Variants in NALCN observed in about 807,000 individuals in gnomAD.
The protein encoded by NALCN is sodium leak channel, non-selective, also known as sodium leak channel NALCN.
Under a neutral mutation model 225.3 loss-of-function variants are expected in NALCN, and 111 were observed. The ratio of observed to expected loss-of-function variants is 0.49; its 90% CI spans 0.42 to 0.58. The LOEUF is 0.58. Among genes scored for constraint, NALCN ranks in the 20% least tolerant of loss-of-function variants. The pLI is 0.00. For synonymous variants in NALCN, 764 were observed against 769.0 expected (o/e 0.99, Z 0.11); for missense variants, 1,378 against 2,202.4 (o/e 0.63, Z 7.49).
chr13:101,143,062 C>G lies in NALCN; in HGVS notation c.2118+18G>C. 1 of 1,613,972 alleles carries G rather than the reference C, an allele frequency of 6.2e-7. No individual in the cohort carries two copies. The highest frequency in any genetic ancestry group is 8.5e-7 in the Non-Finnish European group (1 of 1,179,946). On this transcript the variant is annotated intron_variant, in intron 17 of 43. Transcript: ENST00000251127. The stretch of plus-strand genomic sequence containing the variant: ...GATGCTTTTTAGAAGCCTGGTTATT[C>G]GAAACAGCAGATCTTACTTTTTGGT...
At chr13:101,068,594 CA>C in intron 38 of NALCN, 100 bp downstream of exon 38, 1 of 1,231,496 alleles carries the variant, frequency 8.1e-7, no homozygotes, top group Non-Finnish European at 1.1e-6. Context: ...TGCCATGAAA[CA>C]CCCACCCCAA....
intron 10 of NALCN, among the ~76,000 whole-genome samples, chr13:101,278,384 G>A (rs1305398393): frequency 6.6e-6 from 1 of 151,848 alleles, no homozygotes; most frequent in Non-Finnish European, 1.5e-5. Context: ...TCAGCCAGGC[G>A]TGGTGGCGCA....
intron 17 of NALCN, among the ~76,000 whole-genome samples, chr13:101,128,316 C>G (rs1304342677): frequency 2.0e-5 from 3 of 152,142 alleles, no homozygotes; most frequent in Non-Finnish European, 4.4e-5. Flanking sequence ...TATTTTAAGT[C>G]TTGAACTTCT....
intron 13 of NALCN, among the ~76,000 whole-genome samples, chr13:101,218,970 G>A (rs1203369686): frequency 6.6e-6 from 1 of 152,058 alleles, no homozygotes; most frequent in African/African-American, 2.4e-5. Context: ...GCATATTTGT[G>A]TCTGTTCTTT....
chr13:101,286,564 C>T (rs563111840), intron 9 of NALCN, among the ~76,000 whole-genome samples: 2 of 152,250 alleles, frequency 1.3e-5, no homozygotes, highest in African/African-American at 4.8e-5. Flanking sequence ...TGAATGAGCA[C>T]CTCCAACTTT....
At chr13:101,343,866 T>C (rs75057668) in intron 7 of NALCN, among the ~76,000 whole-genome samples, 1,678 of 152,320 alleles carry the variant, frequency 0.011, 32 homozygotes, top group African/African-American at 0.038. Flanking sequence ...TGGGTACAAT[T>C]GTTGCATTAA....
chr13:101,090,066 G>GTGTGTGTGTATATA, intron 28 of NALCN, 100 bp from the exon 29 acceptor site: 1 of 1,535,508 alleles, frequency 6.5e-7, no homozygotes, highest in Non-Finnish European at 8.9e-7. Context: ...GGATATGTGT[G>GTGTGTGTGTATATA]TGTGTGTGTA....
chr13:101,080,212 C>A (rs2044118), intron 34 of NALCN, among the ~76,000 whole-genome samples: 46,682 of 151,872 alleles, frequency 0.31, 8,211 homozygotes, highest in East Asian at 0.48. Flanking sequence ...AATGGTGGAA[C>A]CTAGACTAGG....
At chr13:101,333,997 A>T (rs940308713) in intron 7 of NALCN, among the ~76,000 whole-genome samples, 8 of 152,184 alleles carry the variant, frequency 5.3e-5, no homozygotes, top group Non-Finnish European at 8.8e-5. Context: ...TGATTTTCAA[A>T]AGGCAATCTA....
At chr13:101,270,643 C>T (rs1216657479) in intron 10 of NALCN, among the ~76,000 whole-genome samples, 1 of 152,220 alleles carries the variant, frequency 6.6e-6, no homozygotes, top group Non-Finnish European at 1.5e-5. Context: ...AAAACAAATG[C>T]GAAGGACTGA....
chr13:101,087,568 T>C (rs1170426329), intron 30 of NALCN, among the ~76,000 whole-genome samples: 3 of 152,174 alleles, frequency 2.0e-5, no homozygotes, highest in Admixed American at 2.0e-4. Flanking sequence ...CAAATCAAGT[T>C]TGTAAAGCTT....
intron 41 of NALCN, among the ~76,000 whole-genome samples, chr13:101,061,202 G>A (rs2031907886): frequency 6.6e-6 from 1 of 152,126 alleles, no homozygotes; most frequent in South Asian, 2.1e-4. Context: ...AGGCTTATAA[G>A]TCAGGAAGCA....
intron 22 of NALCN, among the ~76,000 whole-genome samples, chr13:101,105,285 C>A (rs1008342604): frequency 3.9e-5 from 6 of 152,152 alleles, no homozygotes; most frequent in Non-Finnish European, 7.4e-5. Flanking sequence ...CATTTGAAAT[C>A]TTTGCCTTAA....
At chr13:101,164,453 C>T (rs1191559721) in intron 15 of NALCN, among the ~76,000 whole-genome samples, 1 of 151,938 alleles carries the variant, frequency 6.6e-6, no homozygotes, top group Non-Finnish European at 1.5e-5. Context: ...CACCACACTG[C>T]GATAATTTTT....
intron 10 of NALCN, among the ~76,000 whole-genome samples, chr13:101,276,062 CAAAAAAAAAAAAAAAAAAA>C (rs59471123): frequency 7.1e-5 from 6 of 84,312 alleles, no homozygotes; most frequent in Admixed American, 1.5e-4. Context: ...GACTCCTTCT[CAAAAAAAAAAAAAAAAAAA>C]AAAAAAAAAA....
At chr13:101,202,762 A>T (rs571217999) in intron 13 of NALCN, among the ~76,000 whole-genome samples, 1 of 152,262 alleles carries the variant, frequency 6.6e-6, no homozygotes, top group East Asian at 1.9e-4. Context: ...GAGCTTTTCA[A>T]AGCTGCTCCC....
Position 101,104,470 on chromosome 13 carries a change from C to G in NALCN, c.2758-44G>C. The G allele has an allele frequency of 6.2e-7, 1 of 1,612,552 alleles. No homozygotes were observed. On this transcript the variant is annotated intron_variant, in intron 24 of 43. Transcript: ENST00000251127. The surrounding 1 kb of genome is among the most constrained non-coding windows in gnomAD (Gnocchi z 4.2). ...AGTTTGGTTACAATGAACGGAAAAA[C>G]AGCAGGTCAGTATTTTACCTCCTAG...
chr13:101,390,157 C>G (rs566900411), intron 3 of NALCN, among the ~76,000 whole-genome samples: 5 of 151,878 alleles, frequency 3.3e-5, no homozygotes, highest in Non-Finnish European at 7.4e-5. Context: ...CAGATGAAGA[C>G]TATAATCGAA....
At chr13:101,095,460 C>A in intron 28 of NALCN, 114 bp downstream of exon 28, 2 of 787,858 alleles carry the variant, frequency 2.5e-6, no homozygotes, top group Non-Finnish European at 4.0e-6. Flanking sequence ...GACTTAAGAT[C>A]ATTTTAACAT....
Sources: allele counts gnomAD v4.1 joint callset (sites outside exome capture counted in the v4.1 genomes callset), GRCh38; gene constraint gnomAD v4.1.1; non-coding constraint Gnocchi (gnomAD v3.1); transcripts MANE v1.5; gene names NCBI Gene and HGNC (gene_info 2026-07-23, HGNC 2026-07-21).